FYB1: variants seen among roughly 807,000 people sequenced by gnomAD.
FYB1 encodes FYN-binding protein 1.
Under a neutral mutation model 94.1 loss-of-function variants are expected in FYB1, and 41 were observed. The observed-to-expected ratio is 0.44, with a 90% CI of 0.34 to 0.57. FYB1 has a LOEUF of 0.57. Ranked by LOEUF, FYB1 falls within the 20% of genes least tolerant of loss-of-function variation. The pLI is 0.02. For missense variants in FYB1, 1,050 were observed against 976.8 expected (o/e 1.07, Z -1.00); for synonymous variants, 367 against 353.2 (o/e 1.04, Z -0.44).
At chr5:39,110,415 G>A (rs1021923685) in intron 16 of FYB1, 26 bp from the exon 17 acceptor site, 3 of 1,523,418 alleles carry the variant, frequency 2.0e-6, no homozygotes, top group Admixed American at 1.7e-5. Flanking sequence ...GAAATAAATT[G>A]TATCAATAAT....
chr5:39,182,445 G>A (rs908216679), intron 2 of FYB1, among the ~76,000 whole-genome samples: 3 of 151,874 alleles, frequency 2.0e-5, no homozygotes, highest in African/African-American at 7.3e-5. Context: ...ATAAAATAAT[G>A]CTTTTATTTA....
intron 10 of FYB1, among the ~76,000 whole-genome samples, chr5:39,129,662 A>G (rs1205193805): frequency 6.6e-6 from 1 of 152,102 alleles, no homozygotes; most frequent in Non-Finnish European, 1.5e-5. Context: ...CTAAAAAGAC[A>G]TTTCTTAGAA....
chr5:39,152,915 T>C (rs1743372649), intron 3 of FYB1, among the ~76,000 whole-genome samples: 1 of 152,160 alleles, frequency 6.6e-6, no homozygotes, highest in Admixed American at 6.5e-5. Context: ...TGGTTGAAAT[T>C]TTTATTCTAC....
chr5:39,120,839 T>C (rs560378122), intron 14 of FYB1, among the ~76,000 whole-genome samples: 5 of 152,238 alleles, frequency 3.3e-5, no homozygotes, highest in Non-Finnish European at 7.4e-5. Context: ...CTATATCAGG[T>C]TCTGCGTCTG....
chr5:39,138,432 T>C lies in FYB1; in HGVS notation c.1394+225A>G, dbSNP rs7712715. On this transcript the variant is annotated intron_variant, in intron 6 of 18. Transcript: ENST00000512982. ...CTGACTGTGGTTTATCTCAGAGGCA[T>C]GTCTCTGGCCTCTCACACAATAGCT... The C allele has an allele frequency of 0.25, 93,119 of 379,540 alleles. 12,472 individuals are homozygous for C. Among genetic ancestry groups the C allele is most frequent in the African/African-American group, 0.38 (17,986 of 47,200 alleles). The allele number at this position is 379,540 out of a possible 1,614,324, so 23.5% of individuals were successfully genotyped here.
chr5:39,137,294 T>C (rs1447697865), intron 7 of FYB1: 5 of 249,966 alleles, frequency 2.0e-5, no homozygotes. Context: ...AGTAGGCTAA[T>C]ATGAAATGCA....
chr5:39,189,093 A>G (rs1309994689), intron 2 of FYB1, among the ~76,000 whole-genome samples: 1 of 152,120 alleles, frequency 6.6e-6, no homozygotes, highest in Non-Finnish European at 1.5e-5. Context: ...CTCCTCAGAG[A>G]TCCATTTAGA....
At chr5:39,187,376 C>T (rs774987216) in intron 2 of FYB1, among the ~76,000 whole-genome samples, 41 of 152,228 alleles carry the variant, frequency 2.7e-4, no homozygotes, top group Non-Finnish European at 4.6e-4. Flanking sequence ...TTTAGGACAA[C>T]TGCCTAGCTT....
chr5:39,242,502 G>A (rs557717948), intron 1 of FYB1, among the ~76,000 whole-genome samples: 2 of 152,204 alleles, frequency 1.3e-5, no homozygotes, highest in African/African-American at 4.8e-5. Context: ...GTATTCCATG[G>A]TGTATATGTG....
At chr5:39,238,971 A>T (rs959089009) in intron 1 of FYB1, among the ~76,000 whole-genome samples, 2 of 152,060 alleles carry the variant, frequency 1.3e-5, no homozygotes, top group Non-Finnish European at 2.9e-5. Flanking sequence ...GTGTAAGTGG[A>T]TCACTCTAAA....
intron 1 of FYB1, among the ~76,000 whole-genome samples, chr5:39,255,559 G>A (rs1340653086): frequency 6.6e-6 from 1 of 151,770 alleles, no homozygotes; most frequent in East Asian, 1.9e-4. Context: ...CAAGCAGGAT[G>A]TTATTCATTT....
chr5:39,185,609 C>CAT (rs1233732232), intron 2 of FYB1, among the ~76,000 whole-genome samples: 24 of 138,862 alleles, frequency 1.7e-4, no homozygotes, highest in African/African-American at 4.1e-4. Flanking sequence ...TATATATACA[C>CAT]ATATATATAT....
intron 1 of FYB1, among the ~76,000 whole-genome samples, chr5:39,230,202 A>G (rs73089275): frequency 0.01 from 1,549 of 152,308 alleles, 25 homozygotes; most frequent in African/African-American, 0.035. Flanking sequence ...ACTCTGGATT[A>G]TTTTGGGAAG....
intron 1 of FYB1, among the ~76,000 whole-genome samples, chr5:39,247,494 T>A (rs138958571): frequency 2.7e-4 from 41 of 152,194 alleles, no homozygotes; most frequent in African/African-American, 8.2e-4. Flanking sequence ...ATTCATAGTT[T>A]TGGCACAGTT....
chr5:39,110,018 G>T (rs1738910253), intron 17 of FYB1, among the ~76,000 whole-genome samples: 1 of 152,010 alleles, frequency 6.6e-6, no homozygotes, highest in Non-Finnish European at 1.5e-5. Flanking sequence ...TCAATCAATT[G>T]CATTAGCAAG....
intron 2 of FYB1, among the ~76,000 whole-genome samples, chr5:39,188,098 T>C (rs926505760): frequency 7.2e-5 from 11 of 152,110 alleles, no homozygotes; most frequent in African/African-American, 2.4e-5. Context: ...ATTATTGAAG[T>C]AGTGAAGTTG....
chr5:39,192,613 C>T (rs1747461571), intron 2 of FYB1, among the ~76,000 whole-genome samples: 1 of 152,162 alleles, frequency 6.6e-6, no homozygotes, highest in Non-Finnish European at 1.5e-5. Flanking sequence ...TGGCATATTG[C>T]CCTAAGCTAT....
Position 39,135,852 on chromosome 5 carries a change from T to C in FYB1, c.1516-838A>G, listed in dbSNP as rs957416550. On this transcript the variant is annotated intron_variant, in intron 7 of 18. Coordinates refer to ENST00000512982, the MANE Select transcript of FYB1 (RefSeq NM_001465.6). ...AATTTTTTTTACCTATTATCTATTA[T>C]CATCTTGTGAAAGGAATATGGCTGG... 3.9e-4 allele frequency among the ~76,000 whole-genome samples: 60 copies of C among 152,158 alleles called. 1 individual carries two copies. The highest frequency in any genetic ancestry group is 1.5e-4 in the Non-Finnish European group (10 of 68,008).
rs1220139866 is a variant in FYB1, at chr5:39,202,652, G to A, written c.309C>T (p.Pro103=). 3.1e-6 allele frequency: 5 copies of A among 1,613,850 alleles called. No individual in the cohort carries two copies. Among genetic ancestry groups the A allele is most frequent in the East Asian group, 2.2e-5 (1 of 44,872 alleles). ...GTTTCAGAAATCCCACTTTCGCCTC[G>A]GGGTCTCTGGTGGTCAAGCTGGCTG... ...GTPASLTTRD[P]EAKVGFLKPV... Residue 103 remains proline, a synonymous_variant, in exon 2 of 19, where the codon CCC becomes CCT. Coordinates refer to ENST00000512982, the MANE Select transcript of FYB1 (RefSeq NM_001465.6).
Sources: allele counts gnomAD v4.1 joint callset (sites outside exome capture counted in the v4.1 genomes callset), GRCh38; gene constraint gnomAD v4.1.1; transcripts MANE v1.5; gene names NCBI Gene and HGNC (gene_info 2026-07-23, HGNC 2026-07-21).